The following TBC1D14 variants were observed in gnomAD, a reference collection of about 807,000 sequenced individuals.
The protein encoded by TBC1D14 is TBC1 domain family, member 14.
In TBC1D14, 26 loss-of-function variants were observed where a neutral mutation model predicts 79.0. That is an observed-to-expected ratio of 0.33 (90% CI 0.24 to 0.46). TBC1D14 has a LOEUF of 0.46. Among genes scored for constraint, TBC1D14 ranks in the 20% least tolerant of loss-of-function variants. The pLI is 1.00. For missense variants in TBC1D14, 769 were observed against 887.6 expected (o/e 0.87, Z 1.70); for synonymous variants, 394 against 349.9 (o/e 1.13, Z -1.40).
chr4:6,988,885 CTTTTTTTTTTTTT>C (rs34268749), intron 3 of TBC1D14, among the ~76,000 whole-genome samples: 2 of 76,808 alleles, frequency 2.6e-5, no homozygotes, highest in Admixed American at 1.9e-4. Context: ...TTCTTTCTTT[CTTTTTTTTTTTTT>C]TTTTTTTTTT....
intron 3 of TBC1D14, among the ~76,000 whole-genome samples, chr4:6,986,063 C>G (rs1165272837): frequency 6.6e-6 from 1 of 152,240 alleles, no homozygotes; most frequent in Non-Finnish European, 1.5e-5. Flanking sequence ...GTTGATCCCA[C>G]TCTCACCCCC....
At position 7,031,507 on chromosome 4, in the gene TBC1D14, C is replaced by CT. The variant is rs1360255897; in HGVS notation, c.*1118dup. ...CCATCAGCCTCCCCATTTTAGCTGACTTTCCCAGGGTCGTTGGCAAATTTT... is the reference window on the plus strand; with the variant it reads ...CCATCAGCCTCCCCATTTTAGCTGACTTTTCCCAGGGTCGTTGGCAAATTTT... On this transcript the variant is annotated 3_prime_UTR_variant, in exon 14 of 14. Coordinates refer to ENST00000409757, the MANE Select transcript of TBC1D14 (RefSeq NM_020773.3). 8 of 152,258 alleles carry CT rather than the reference C, an allele frequency of 5.3e-5. No homozygotes were observed. Among genetic ancestry groups the CT allele is most frequent in the African/African-American group, 1.9e-4 (8 of 41,460 alleles). The allele number at this position is 152,258 out of a possible 1,614,324, so 9.4% of individuals were successfully genotyped here. A position where few individuals can be genotyped will look rare whatever the true frequency, so the allele number is the denominator to read the frequency against.
chr4:6,973,119 T>A (rs538464463), intron 3 of TBC1D14, among the ~76,000 whole-genome samples: 67 of 152,334 alleles, frequency 4.4e-4, no homozygotes, highest in Non-Finnish European at 9.1e-4. Flanking sequence ...AACCCTGTCA[T>A]GTGAGCACCG....
At chr4:6,977,627 G>GA (rs1173409317) in intron 3 of TBC1D14, among the ~76,000 whole-genome samples, 1 of 148,962 alleles carries the variant, frequency 6.7e-6, no homozygotes, top group East Asian at 2.0e-4. Flanking sequence ...ACCCAGTCTG[G>GA]AAAGTGAGGA....
intron 2 of TBC1D14, among the ~76,000 whole-genome samples, chr4:6,942,857 G>A (rs1713040744): frequency 6.6e-6 from 1 of 152,146 alleles, no homozygotes; most frequent in Admixed American, 6.5e-5. Context: ...TTTTGCCTGG[G>A]ATAGATTTTA....
chr4:7,028,107 CCACA>C (rs1025162134), intron 13 of TBC1D14, among the ~76,000 whole-genome samples: 93 of 149,508 alleles, frequency 6.2e-4, no homozygotes, highest in African/African-American at 2.3e-3. Flanking sequence ...TATCACAGCC[CCACA>C]CACACGTCAC....
At chr4:6,982,352 T>C (rs574579046) in intron 3 of TBC1D14, among the ~76,000 whole-genome samples, 39 of 152,274 alleles carry the variant, frequency 2.6e-4, no homozygotes, top group African/African-American at 7.7e-4. Flanking sequence ...GTCTCGAAAG[T>C]TTGCGTGCTG....
chr4:7,015,980 G>C (rs978938654), intron 12 of TBC1D14, among the ~76,000 whole-genome samples: 2 of 152,244 alleles, frequency 1.3e-5, no homozygotes, highest in Non-Finnish European at 2.9e-5. Flanking sequence ...GGCTGGTTTG[G>C]TTTTGTTGTT....
At chr4:6,937,764 T>A (rs763803113) in intron 2 of TBC1D14, among the ~76,000 whole-genome samples, 1 of 151,952 alleles carries the variant, frequency 6.6e-6, no homozygotes, top group East Asian at 1.9e-4. Flanking sequence ...GGTGATTACA[T>A]TGGGGCATGG....
intron 2 of TBC1D14, among the ~76,000 whole-genome samples, chr4:6,926,200 A>G (rs866212487): frequency 6.6e-6 from 1 of 152,206 alleles, no homozygotes; most frequent in South Asian, 2.1e-4. Context: ...AAGTGGGGAT[A>G]ATGAGCCCTT....
At chr4:6,924,631 TGCACTGCA>T (rs66527610) in intron 2 of TBC1D14, among the ~76,000 whole-genome samples, 13,723 of 152,190 alleles carry the variant, frequency 0.09, 781 homozygotes, top group Middle Eastern at 0.16. Context: ...TGTGCTCTGC[TGCACTGCA>T]GCCCCATGCA....
At chr4:7,029,523 C>T (rs183101548) in intron 13 of TBC1D14, among the ~76,000 whole-genome samples, 1 of 152,324 alleles carries the variant, frequency 6.6e-6, no homozygotes, top group Non-Finnish European at 1.5e-5. Context: ...TAAGCAGCCA[C>T]AATGGCGTGG....
intron 1 of TBC1D14, among the ~76,000 whole-genome samples, chr4:6,922,310 T>C (rs1723933006): frequency 6.6e-6 from 1 of 151,952 alleles, no homozygotes; most frequent in African/African-American, 2.4e-5. Context: ...ACCTCGGAGG[T>C]TGTGGTCTTT....
intron 3 of TBC1D14, among the ~76,000 whole-genome samples, chr4:6,978,517 T>C (rs1018590688): frequency 4.0e-5 from 6 of 149,352 alleles, no homozygotes; most frequent in Non-Finnish European, 8.9e-5. Context: ...CAAGATGTGC[T>C]TTGTTAAACA....
intron 12 of TBC1D14, among the ~76,000 whole-genome samples, chr4:7,024,680 G>A (rs951925372): frequency 1.8e-4 from 28 of 152,220 alleles, no homozygotes; most frequent in African/African-American, 5.5e-4. Context: ...GTGGCGCGGC[G>A]TACAGCGGCC....
chr4:6,920,646 T>G (rs752779885), intron 1 of TBC1D14, among the ~76,000 whole-genome samples: 5 of 152,186 alleles, frequency 3.3e-5, no homozygotes, highest in African/African-American at 7.2e-5. Flanking sequence ...GGGGGTCAGG[T>G]GCCTATTAAA....
At chr4:6,951,191 C>CTGAG (rs1714005780) in intron 2 of TBC1D14, among the ~76,000 whole-genome samples, 1 of 152,088 alleles carries the variant, frequency 6.6e-6, no homozygotes, top group Non-Finnish European at 1.5e-5. Flanking sequence ...ACTCAGGAGG[C>CTGAG]TGAGGCAGGA....
At chr4:7,015,763 T>C (rs16839548) in intron 12 of TBC1D14, among the ~76,000 whole-genome samples, 4,005 of 152,228 alleles carry the variant, frequency 0.026, 90 homozygotes, top group Non-Finnish European at 0.047. Context: ...CTTGTGGTCT[T>C]GGGGAAGGCT....
intron 1 of TBC1D14, among the ~76,000 whole-genome samples, chr4:6,919,188 G>T (rs999650605): frequency 6.6e-6 from 1 of 151,562 alleles, no homozygotes; most frequent in Non-Finnish European, 1.5e-5. Context: ...CTCTTGTTGG[G>T]CAGGCTGGAG....
Sources: gnomAD v4.1 joint callset for allele counts (sites outside exome capture counted in the v4.1 genomes callset) on GRCh38, gnomAD v4.1.1 for gene constraint, MANE v1.5 for transcripts, NCBI Gene and HGNC (gene_info 2026-07-23, HGNC 2026-07-21) for gene names.